The following PARVB variants were observed in gnomAD, a reference collection of about 807,000 sequenced individuals.
PARVB encodes parvin beta.
PARVB carries 46 observed loss-of-function variants against 47.0 expected under a neutral mutation model. That is an observed-to-expected ratio of 0.98 (90% confidence interval 0.77 to 1.25). PARVB has a LOEUF of 1.25. PARVB is among the 50% of genes most tolerant of loss of function. PARVB has a pLI of 0.00. For synonymous variants in PARVB, 196 were observed against 196.3 expected, an observed-to-expected ratio of 1.00 and a Z score of 0.01; for missense variants, 473 against 471.6, an observed-to-expected ratio of 1.00 and a Z score of -0.03.
At chr22:44,038,394 C>T (rs916680062) in intron 1 of PARVB, among the ~76,000 whole-genome samples, 7 of 152,314 alleles carry the variant, frequency 4.6e-5, no homozygotes, top group East Asian at 3.9e-4. Context: ...TACTTCCCCA[C>T]GCTGTGCCTC....
At chr22:44,094,534 A>G (rs936453093) in intron 2 of PARVB, among the ~76,000 whole-genome samples, 6 of 152,130 alleles carry the variant, frequency 3.9e-5, no homozygotes, top group African/African-American at 1.4e-4. Flanking sequence ...CTGTTACCCA[A>G]GCTGGGGTGC....
At chr22:44,011,097 T>C (rs2050517823) in intron 2 of PARVB, among the ~76,000 whole-genome samples, 1 of 151,990 alleles carries the variant, frequency 6.6e-6, no homozygotes, top group Non-Finnish European at 1.5e-5. Context: ...GTGCTGCGAT[T>C]ACAGGCGTGA....
chr22:44,114,899 C>G (rs1276078218), intron 3 of PARVB: 2 of 110,996 alleles, frequency 1.8e-5, no homozygotes, highest in East Asian at 3.2e-4. Flanking sequence ...TACATTGTTA[C>G]TAAGTAAGGC....
intron 2 of PARVB, among the ~76,000 whole-genome samples, chr22:44,012,002 G>C (rs1022313697): frequency 1.3e-5 from 2 of 152,200 alleles, no homozygotes; most frequent in African/African-American, 4.8e-5. Context: ...AATAGACTTG[G>C]CCTTTGTTCT....
intron 1 of PARVB, among the ~76,000 whole-genome samples, chr22:44,027,262 AG>A (rs1358911096): frequency 6.6e-6 from 1 of 152,184 alleles, no homozygotes; most frequent in Admixed American, 6.5e-5. Context: ...AACAACACAC[AG>A]GGTTCCCCAC....
At chr22:44,132,839 TCAGGTTC>T in intron 5 of PARVB, 48 bp from the exon 6 acceptor site, 1 of 1,228,732 alleles carries the variant, frequency 8.1e-7, no homozygotes, top group Non-Finnish European at 1.2e-6. Flanking sequence ...GCACGTGGGC[TCAGGTTC>T]CTGTGTAACC....
intron 8 of PARVB, chr22:44,140,367 G>T (rs773217788): frequency 7.2e-5 from 51 of 709,172 alleles, no homozygotes; most frequent in Non-Finnish European, 8.6e-5. Flanking sequence ...TAGGAGGAGT[G>T]GGGTGGAAGG....
rs957319181 is a variant in PARVB at position 44,128,836 on chromosome 22, C to T, written c.377-2651C>T. On this transcript the variant is annotated intron_variant, in intron 4 of 12. Transcript: ENST00000338758. Reference sequence around the variant, plus strand: ...CTCACACCTGTAATCCCAGCACTTCCGGAGGCTGAGGTGGGCAGATCACTT... The same window carrying T: ...CTCACACCTGTAATCCCAGCACTTCTGGAGGCTGAGGTGGGCAGATCACTT... Among the ~76,000 whole-genome samples the T allele has an allele frequency of 1.6e-4, 25 of 152,092 alleles. 1 individual carries two copies. Among genetic ancestry groups the T allele is most frequent in the African/African-American group, 5.3e-4 (22 of 41,420 alleles).
At chr22:44,163,014 C>A (rs988777980) in intron 11 of PARVB, among the ~76,000 whole-genome samples, 1 of 152,196 alleles carries the variant, frequency 6.6e-6, no homozygotes, top group African/African-American at 2.4e-5. Context: ...GTCCACTGTC[C>A]CTACTCAGTG....
At position 44,068,099 on chromosome 22, in the gene PARVB, C is replaced by G. The variant is rs1263788600; in HGVS notation, c.113-25829C>G. Among the ~76,000 whole-genome samples, 1 of 52,814 alleles carries G rather than the reference C, an allele frequency of 1.9e-5. No homozygotes were observed. Among genetic ancestry groups the G allele is most frequent in the Admixed American group, 2.2e-4 (1 of 4,498 alleles). 34.6% of individuals were successfully genotyped at this position (52,814 alleles called of 152,430 possible). ...CTCCCGTGGGCCTCACCGCTTCCTG[C>G]TTCAGCAGAACTGGGATTGTCAGTT... is the stretch of plus-strand genomic sequence containing the variant. On this transcript the variant is annotated intron_variant, in intron 1 of 12. Transcript: ENST00000338758. This position sits in a 1 kb window ranked among gnomAD's most constrained non-coding sequence, Gnocchi z 4.1.
At chr22:44,109,556 G>A (rs2052643989) in intron 3 of PARVB, 1 of 152,182 alleles carries the variant, frequency 6.6e-6, no homozygotes, top group African/African-American at 2.4e-5. Flanking sequence ...GTGGCAGCGT[G>A]TGCTGTGGTA....
chr22:44,127,785 CT>C (rs5845634), intron 4 of PARVB, among the ~76,000 whole-genome samples: 287 of 71,070 alleles, frequency 4.0e-3, no homozygotes, highest in African/African-American at 0.02. Flanking sequence ...AGTCCCTCTT[CT>C]TTTTTTTTTT....
At chr22:44,046,769 T>C (rs529825364) in intron 1 of PARVB, among the ~76,000 whole-genome samples, 5 of 152,356 alleles carry the variant, frequency 3.3e-5, no homozygotes, top group South Asian at 2.1e-4. Context: ...CACCAGTGTC[T>C]CTGTGTTCAA....
At chr22:44,015,133 G>A (rs951345798) in intron 2 of PARVB, among the ~76,000 whole-genome samples, 18 of 150,226 alleles carry the variant, frequency 1.2e-4, no homozygotes, top group African/African-American at 4.4e-4. Context: ...TTACAGGCGC[G>A]AGCCACTGCG....
intron 1 of PARVB, among the ~76,000 whole-genome samples, chr22:44,041,146 T>C (rs752657179): frequency 2.8e-4 from 43 of 152,202 alleles, no homozygotes; most frequent in Admixed American, 7.9e-4. Flanking sequence ...AAAACAAGTA[T>C]AGACAAAGGT....
chr22:44,031,567 G>A (rs1214890211), intron 1 of PARVB: 2 of 151,536 alleles, frequency 1.3e-5, no homozygotes, highest in African/African-American at 4.9e-5. Flanking sequence ...GCTTGGGGAG[G>A]AAGGGCAGGT....
intron 1 of PARVB, among the ~76,000 whole-genome samples, chr22:44,030,523 G>T (rs2050806899): frequency 6.6e-6 from 1 of 152,140 alleles, no homozygotes; most frequent in Non-Finnish European, 1.5e-5. Context: ...CCCTTGCTGG[G>T]GCTTGGCAGG....
chr22:44,122,578 GA>G (rs2053090858), intron 4 of PARVB, among the ~76,000 whole-genome samples: 1 of 119,952 alleles, frequency 8.3e-6, no homozygotes, highest in African/African-American at 3.3e-5. Context: ...GAGAGAGAGA[GA>G]GAGAGAGAGA....
chr22:44,026,281 T>G (rs2050726995), intron 1 of PARVB: 1 of 983,412 alleles, frequency 1.0e-6, no homozygotes, highest in Admixed American at 6.2e-5. Flanking sequence ...CACCAAGAAT[T>G]CCGGTAGCAG....
Sources: gnomAD v4.1 joint callset for allele counts (sites outside exome capture counted in the v4.1 genomes callset) on GRCh38, gnomAD v4.1.1 for gene constraint, Gnocchi (gnomAD v3.1) non-coding constraint, MANE v1.5 for transcripts, NCBI Gene and HGNC (gene_info 2026-07-23, HGNC 2026-07-21) for gene names.